Variants in CADPS observed in about 807,000 individuals in gnomAD.
CADPS encodes the protein calcium-dependent secretion activator 1.
CADPS carries 57 observed loss-of-function variants against 167.3 expected under a neutral mutation model. The observed-to-expected ratio is 0.34, with a 90% CI of 0.28 to 0.42. CADPS has a LOEUF of 0.42. Among genes scored for constraint, CADPS ranks in the 20% least tolerant of loss-of-function variants. The probability of loss-of-function intolerance (pLI) is 1.00; values close to 1 mark genes in which losing one functional copy is unlikely to be tolerated. For missense variants in CADPS, 1,414 were observed against 1,738.1 expected, an observed-to-expected ratio of 0.81 and a Z score of 3.32; for synonymous variants, 676 against 635.3, an observed-to-expected ratio of 1.06 and a Z score of -0.96.
intron 7 of CADPS, among the ~76,000 whole-genome samples, chr3:62,590,505 T>C (rs1052434821): frequency 2.0e-5 from 3 of 152,232 alleles, no homozygotes; most frequent in Non-Finnish European, 2.9e-5. Flanking sequence ...CCCACTTTTC[T>C]GGGTAGGGAC....
chr3:62,461,720 T>G (rs1248090127), intron 26 of CADPS, among the ~76,000 whole-genome samples: 1 of 152,232 alleles, frequency 6.6e-6, no homozygotes, highest in Non-Finnish European at 1.5e-5. Context: ...CAGAGAGACC[T>G]TGCCTGAGCA....
At chr3:62,704,141 A>C (rs2151623690) in intron 3 of CADPS, among the ~76,000 whole-genome samples, 1 of 152,288 alleles carries the variant, frequency 6.6e-6, no homozygotes, top group Non-Finnish European at 1.5e-5. Context: ...AGGGGGAAAA[A>C]GGCAATAAAC....
At chr3:62,419,277 G>A (rs1194353523) in intron 28 of CADPS, among the ~76,000 whole-genome samples, 1 of 152,012 alleles carries the variant, frequency 6.6e-6, no homozygotes, top group Admixed American at 6.6e-5. Context: ...GTGCAGTTTG[G>A]GCATTAACAA....
rs1280099562 is a variant in CADPS at position 62,399,377 on chromosome 3, T to C, written c.*29A>G. On this transcript the variant is annotated 3_prime_UTR_variant, in exon 30 of 30. Transcript: ENST00000383710. This position sits in a 1 kb window ranked among gnomAD's most constrained non-coding sequence, Gnocchi z 5.6. ...AGGACATGCACTGATTACAGGACTC[T>C]GTCCCAGCAGACTCTAGGACCAAAT... The C allele has an allele frequency of 4.4e-6, 7 of 1,607,028 alleles. No homozygotes were observed.
Position 62,614,848 on chromosome 3 carries a change from G to C in CADPS, c.1326-22100C>G, listed in dbSNP as rs77091390. 1.5e-3 allele frequency among the ~76,000 whole-genome samples: 222 copies of C among 152,286 alleles called. 1 individual carries two copies. The East Asian group carries it at 0.028, about 19-fold the overall frequency. On this transcript the variant is annotated intron_variant, in intron 6 of 29. Coordinates refer to ENST00000383710, the MANE Select transcript of CADPS (RefSeq NM_003716.4). ...GATCACTAACTAGCTATGTGATCTTGGATAAGTACCCTCACCCTTCTCAGC... is the reference window on the plus strand; with the variant it reads ...GATCACTAACTAGCTATGTGATCTTCGATAAGTACCCTCACCCTTCTCAGC...
chr3:62,573,916 T>C (rs183285642), intron 8 of CADPS, among the ~76,000 whole-genome samples: 87 of 152,376 alleles, frequency 5.7e-4, no homozygotes, highest in Middle Eastern at 6.8e-3. Context: ...TGATAGATGG[T>C]AACTGGTCAA....
At chr3:62,426,991 C>G (rs541629068) in intron 28 of CADPS, among the ~76,000 whole-genome samples, 1 of 150,332 alleles carries the variant, frequency 6.7e-6, no homozygotes, top group South Asian at 2.1e-4. Context: ...AGGAGAATGG[C>G]GTGAACACAG....
intron 8 of CADPS, among the ~76,000 whole-genome samples, chr3:62,581,701 A>C (rs1306112205): frequency 6.6e-6 from 1 of 151,998 alleles, no homozygotes; most frequent in Non-Finnish European, 1.5e-5. Flanking sequence ...ACAAAAATTG[A>C]TGGTGGATGA....
At chr3:62,459,471 G>T (rs192552677) in intron 26 of CADPS, among the ~76,000 whole-genome samples, 1 of 152,128 alleles carries the variant, frequency 6.6e-6, no homozygotes, top group Non-Finnish European at 1.5e-5. Flanking sequence ...CACAAGGAAC[G>T]TCTAGTTCCT....
At chr3:62,415,967 A>G (rs987105855) in intron 28 of CADPS, among the ~76,000 whole-genome samples, 1 of 151,578 alleles carries the variant, frequency 6.6e-6, no homozygotes, top group Non-Finnish European at 1.5e-5. Context: ...AGTGAAAGCT[A>G]TTTTTCTTTT....
At position 62,857,205 on chromosome 3, in the gene CADPS, T is replaced by C. The variant is rs932612375; in HGVS notation, c.441+17384A>G. Among the ~76,000 whole-genome samples, 10 of 152,076 alleles carry C rather than the reference T, an allele frequency of 6.6e-5. 1 individual carries two copies. Among genetic ancestry groups the C allele is most frequent in the Admixed American group, 6.5e-4 (10 of 15,272 alleles). On this transcript the variant is annotated intron_variant, in intron 1 of 29. Coordinates refer to ENST00000383710, the MANE Select transcript of CADPS (RefSeq NM_003716.4). The stretch of plus-strand genomic sequence containing the variant: ...AAAGAATATAAAGAGACAATAAATA[T>C]GTAAAAAAGAAATGCAAATACAGAA...
At chr3:62,735,382 G>A (rs1231592632) in intron 3 of CADPS, among the ~76,000 whole-genome samples, 4 of 152,050 alleles carry the variant, frequency 2.6e-5, no homozygotes, top group South Asian at 4.1e-4. Flanking sequence ...GTTACTCTGC[G>A]CTTGGGGGAG....
At chr3:62,789,304 A>G (rs567690365) in intron 1 of CADPS, among the ~76,000 whole-genome samples, 1 of 152,292 alleles carries the variant, frequency 6.6e-6, no homozygotes, top group East Asian at 1.9e-4. Flanking sequence ...GAGACTGAGG[A>G]ACATATCCAA....
intron 3 of CADPS, among the ~76,000 whole-genome samples, chr3:62,708,571 T>G (rs1564127054): frequency 6.6e-6 from 1 of 152,004 alleles, no homozygotes. Flanking sequence ...CTACACGCCC[T>G]GCTTCATTTT....
At chr3:62,623,742 A>G (rs1172742855) in intron 6 of CADPS, among the ~76,000 whole-genome samples, 1 of 152,186 alleles carries the variant, frequency 6.6e-6, no homozygotes, top group Non-Finnish European at 1.5e-5. Context: ...TGTTGCCAAC[A>G]AGAACAATGA....
At chr3:62,633,905 A>G (rs141639486) in intron 6 of CADPS, among the ~76,000 whole-genome samples, 1 of 152,336 alleles carries the variant, frequency 6.6e-6, no homozygotes, top group East Asian at 1.9e-4. Context: ...TTGCTATTAA[A>G]AACTTAATTA....
chr3:62,750,158 C>T (rs2082370568), intron 3 of CADPS, among the ~76,000 whole-genome samples: 2 of 151,654 alleles, frequency 1.3e-5, no homozygotes, highest in African/African-American at 2.4e-5. Context: ...TTGAAACCAG[C>T]CTGGCCAACA....
intron 1 of CADPS, among the ~76,000 whole-genome samples, chr3:62,768,174 C>T (rs981842962): frequency 6.6e-6 from 1 of 152,142 alleles, no homozygotes; most frequent in Non-Finnish European, 1.5e-5. Context: ...ACCATTTGAA[C>T]TGAAATATTA....
intron 28 of CADPS, among the ~76,000 whole-genome samples, chr3:62,418,324 CTTTTT>C (rs1227861106): frequency 1.7e-5 from 2 of 115,082 alleles, no homozygotes; most frequent in Non-Finnish European, 1.7e-5. Flanking sequence ...TTTTTTCTCT[CTTTTT>C]TTTTTTTTTT....
Sources: gnomAD v4.1 joint callset for allele counts (sites outside exome capture counted in the v4.1 genomes callset) on GRCh38, gnomAD v4.1.1 for gene constraint, Gnocchi (gnomAD v3.1) non-coding constraint, MANE v1.5 for transcripts, NCBI Gene and HGNC (gene_info 2026-07-23, HGNC 2026-07-21) for gene names.